Variants in BCAS3 observed in about 807,000 individuals in gnomAD.
BCAS3 encodes the protein BCAS4/BCAS3 fusion.
BCAS3 carries 53 observed loss-of-function variants against 116.1 expected under a neutral mutation model. That is an observed-to-expected ratio of 0.46 (90% confidence interval 0.37 to 0.57). BCAS3 has a LOEUF of 0.57. Ranked by LOEUF, BCAS3 falls within the 20% of genes least tolerant of loss-of-function variation. BCAS3 has a pLI of 0.00. For synonymous variants in BCAS3, 391 were observed against 408.2 expected (o/e 0.96, Z 0.51); for missense variants, 917 against 1,165.4 (o/e 0.79, Z 3.10).
At chr17:60,764,910 T>A (rs577799614) in intron 6 of BCAS3, among the ~76,000 whole-genome samples, 1 of 152,160 alleles carries the variant, frequency 6.6e-6, no homozygotes, top group South Asian at 2.1e-4. Context: ...TTTAGAATAG[T>A]TAGCTCTTCT....
chr17:61,178,802 T>C (rs980898084), intron 22 of BCAS3, among the ~76,000 whole-genome samples: 1 of 152,182 alleles, frequency 6.6e-6, no homozygotes, highest in African/African-American at 2.4e-5. Flanking sequence ...CCCCCAAATT[T>C]AACACCCTGG....
At chr17:60,870,156 T>C (rs578166272) in intron 8 of BCAS3, among the ~76,000 whole-genome samples, 28 of 152,294 alleles carry the variant, frequency 1.8e-4, no homozygotes, top group Non-Finnish European at 1.2e-4. Context: ...ACCGTACGTA[T>C]CAATAAATGG....
At chr17:61,014,952 G>A (rs991612583) in intron 15 of BCAS3, among the ~76,000 whole-genome samples, 3 of 152,068 alleles carry the variant, frequency 2.0e-5, no homozygotes, top group Non-Finnish European at 4.4e-5. Context: ...CTTGTACCCT[G>A]AAAACTACAA....
At chr17:61,006,575 G>T (rs1000247564) in intron 15 of BCAS3, among the ~76,000 whole-genome samples, 8 of 152,020 alleles carry the variant, frequency 5.3e-5, no homozygotes, top group African/African-American at 1.7e-4. Context: ...GTATTTTCAA[G>T]AAATAATTTA....
chr17:61,049,730 C>CTTTTTTTTTTTTTTTT (rs1027378849), intron 19 of BCAS3, among the ~76,000 whole-genome samples: 10 of 120,826 alleles, frequency 8.3e-5, no homozygotes, highest in South Asian at 2.5e-4. Context: ...CTTTTCTTTT[C>CTTTTTTTTTTTTTTTT]TTTTTTTTTT....
chr17:61,293,989 C>T (rs955409918), intron 22 of BCAS3, among the ~76,000 whole-genome samples: 2 of 152,194 alleles, frequency 1.3e-5, no homozygotes, highest in African/African-American at 4.8e-5. Context: ...TCTTGAACTC[C>T]TGACCTCAAG....
At chr17:60,807,937 T>G in intron 6 of BCAS3, 67 bp from the exon 7 acceptor site, 1 of 1,140,768 alleles carries the variant, frequency 8.8e-7, no homozygotes, top group Non-Finnish European at 1.3e-6. Context: ...TTTGAAAGCA[T>G]GAAAATAGTG....
At chr17:61,108,992 C>A (rs185159287) in intron 22 of BCAS3, among the ~76,000 whole-genome samples, 63 of 152,106 alleles carry the variant, frequency 4.1e-4, no homozygotes, top group Non-Finnish European at 8.4e-4. Context: ...TCAAGACCAT[C>A]CTGGCCAACA....
chr17:60,801,676 C>T (rs2047794926), intron 6 of BCAS3, among the ~76,000 whole-genome samples: 1 of 152,182 alleles, frequency 6.6e-6, no homozygotes, highest in African/African-American at 2.4e-5. Flanking sequence ...GATCCTATAA[C>T]AATCTGTTTC....
chr17:61,380,553 G>A lies in BCAS3; in HGVS notation c.2594-11424G>A, dbSNP rs532496073. ...AAAAACCTTCCCCCCTGAGAGACACGTGGCAGTGAAGTGTTTTGGTATGTA... is the reference window on the plus strand; with the variant it reads ...AAAAACCTTCCCCCCTGAGAGACACATGGCAGTGAAGTGTTTTGGTATGTA... On this transcript the variant is annotated intron_variant, in intron 23 of 23. Coordinates refer to ENST00000407086, the MANE Select transcript of BCAS3 (RefSeq NM_017679.5). The surrounding 1 kb of genome is among the most constrained non-coding windows in gnomAD (Gnocchi z 4.2). 19 of 1,598,136 alleles carry A rather than the reference G, an allele frequency of 1.2e-5. 1 individual carries two copies. The highest frequency in any genetic ancestry group is 1.7e-4 in the Middle Eastern group (1 of 6,060).
intron 10 of BCAS3, chr17:60,891,564 A>T: frequency 2.5e-6 from 1 of 406,826 alleles, no homozygotes; most frequent in Non-Finnish European, 4.9e-6. Context: ...GGGGCTGAGT[A>T]TAGAATTGTA....
Position 61,124,440 on chromosome 17 carries a change from T to A in BCAS3, c.2425+39876T>A, listed in dbSNP as rs965211365. ...TTAGTTTGTTAACTACATTCTATTG[T>A]AGAACTGTTCTTATTTTTAAGATCG... is the stretch of plus-strand genomic sequence containing the variant. On this transcript the variant is annotated intron_variant, in intron 22 of 23. Coordinates refer to ENST00000407086, the MANE Select transcript of BCAS3 (RefSeq NM_017679.5). The surrounding 1 kb of genome is among the most constrained non-coding windows in gnomAD (Gnocchi z 4.6). 6.6e-6 allele frequency among the ~76,000 whole-genome samples: 1 copy of A among 152,232 alleles called. No homozygotes were observed. Among genetic ancestry groups the A allele is most frequent in the African/African-American group, 2.4e-5 (1 of 41,468 alleles).
chr17:60,810,816 C>G, intron 7 of BCAS3: 3 of 682,580 alleles, frequency 4.4e-6, no homozygotes, highest in Non-Finnish European at 8.1e-6. Context: ...AGAAAAACCT[C>G]GAAGAGGAAG....
At position 61,312,485 on chromosome 17, in the gene BCAS3, C is replaced by T. The variant is rs535793465; in HGVS notation, c.2426-55842C>T. ...ATGGACTCTCCGAACAATCTTGCCA[C>T]TGTGGCTGGCACAAACAGGCTTTTC... is the stretch of plus-strand genomic sequence containing the variant. On this transcript the variant is annotated intron_variant, in intron 22 of 23. Transcript: ENST00000407086. Among the ~76,000 whole-genome samples, 68 of 152,360 alleles carry T rather than the reference C, an allele frequency of 4.5e-4. 3 individuals carry two copies. The South Asian group carries it at 0.012, about 27-fold the overall frequency.
chr17:61,147,694 G>C (rs1488834779), intron 22 of BCAS3, among the ~76,000 whole-genome samples: 1 of 151,872 alleles, frequency 6.6e-6, no homozygotes, highest in Non-Finnish European at 1.5e-5. Flanking sequence ...CCTTAGAAAT[G>C]TATAAGTTGG....
chr17:61,285,792 A>G lies in BCAS3; in HGVS notation c.2426-82535A>G, dbSNP rs1251393687. On this transcript the variant is annotated intron_variant, in intron 22 of 23. Coordinates refer to ENST00000407086, the MANE Select transcript of BCAS3 (RefSeq NM_017679.5). The surrounding 1 kb of genome is among the most constrained non-coding windows in gnomAD (Gnocchi z 5.4). The stretch of plus-strand genomic sequence containing the variant: ...CGGATCTGCAGTTTCCCAAAGGTAA[A>G]GGAGCCTGCAGCTGAGCCTCGAGTT... Among the ~76,000 whole-genome samples the G allele has an allele frequency of 1.3e-5, 2 of 152,200 alleles. No individual in the cohort carries two copies. Among genetic ancestry groups the G allele is most frequent in the East Asian group, 1.9e-4 (1 of 5,196 alleles).
rs556303203 is a variant in BCAS3, at chr17:61,301,355, C to T, written c.2426-66972C>T. ...GTGCAATGAAAAGACTGATTTCGGC[C>T]GGGCACGGTGACTCACGCCTGTAAT... On this transcript the variant is annotated intron_variant, in intron 22 of 23. Transcript: ENST00000407086. Among the ~76,000 whole-genome samples the T allele has an allele frequency of 3.3e-5, 5 of 152,250 alleles. No individual in the cohort carries two copies. The South Asian group carries it at 8.3e-4, about 25-fold the overall frequency.
chr17:61,289,034 G>A (rs888052253), intron 22 of BCAS3, among the ~76,000 whole-genome samples: 1 of 152,248 alleles, frequency 6.6e-6, no homozygotes, highest in East Asian at 1.9e-4. Flanking sequence ...TTCCTCTTGG[G>A]CAAGGCCCAA....
intron 10 of BCAS3, 38 bp from the exon 11 acceptor site, chr17:60,902,582 G>T: frequency 1.3e-6 from 2 of 1,496,102 alleles, no homozygotes; most frequent in Non-Finnish European, 1.9e-6. Context: ...CAGATTAATA[G>T]AAATGACGTT....
Sources: allele counts gnomAD v4.1 joint callset (sites outside exome capture counted in the v4.1 genomes callset), GRCh38; gene constraint gnomAD v4.1.1; non-coding constraint Gnocchi (gnomAD v3.1); transcripts MANE v1.5; gene names NCBI Gene and HGNC (gene_info 2026-07-23, HGNC 2026-07-21).